Variants in ST8SIA1 observed in about 807,000 individuals in gnomAD.
ST8SIA1 encodes the protein ST8 alpha-N-acetyl-neuraminide alpha-2,8-sialyltransferase 1.
Under a neutral mutation model 35.9 loss-of-function variants are expected in ST8SIA1, and 16 were observed. The ratio of observed to expected loss-of-function variants is 0.45; its 90% CI spans 0.30 to 0.68. The LOEUF (loss-of-function observed/expected upper bound fraction) is 0.68, where lower values mean the gene tolerates loss of function less well. Ranked by LOEUF, ST8SIA1 falls within the 30% of genes least tolerant of loss-of-function variation. The pLI is 0.09. For synonymous variants in ST8SIA1, 170 were observed against 169.6 expected, an observed-to-expected ratio of 1.00 and a Z score of -0.02; for missense variants, 383 against 453.6, an observed-to-expected ratio of 0.84 and a Z score of 1.41.
intron 4 of ST8SIA1, among the ~76,000 whole-genome samples, chr12:22,235,771 G>A (rs906180301): frequency 6.6e-6 from 1 of 152,102 alleles, no homozygotes; most frequent in Non-Finnish European, 1.5e-5. Flanking sequence ...GCGTTTCCCA[G>A]GATTTGCATC....
In ST8SIA1 at chr12:22,201,996, G is replaced by A; in HGVS notation, c.627C>T (p.Asn209=). ...TGTAACTGTGGTTATAAATTTTCAT[G>A]TTGTCCACAAATGTCTTTCTGGACC... ...LLWSRKTFVD[N]MKIYNHSYIY... The change falls in exon 5 of 5, where the codon AAC becomes AAT. Residue 209 remains asparagine, a synonymous_variant. Coordinates refer to ENST00000396037, the MANE Select transcript of ST8SIA1 (RefSeq NM_003034.4). 1.2e-6 allele frequency: 2 copies of A among 1,612,590 alleles called. No individual in the cohort carries two copies. The highest frequency in any genetic ancestry group is 8.5e-7 in the Non-Finnish European group (1 of 1,179,546).
intron 1 of ST8SIA1, chr12:22,324,713 C>T (rs1182256580): frequency 1.3e-5 from 2 of 152,072 alleles, no homozygotes; most frequent in Non-Finnish European, 2.9e-5. Flanking sequence ...CAAGACAGTA[C>T]AGATCTTTAA....
At chr12:22,280,046 CT>C (rs1457804995) in intron 2 of ST8SIA1, among the ~76,000 whole-genome samples, 1 of 152,184 alleles carries the variant, frequency 6.6e-6, no homozygotes, top group African/African-American at 2.4e-5. Flanking sequence ...AGTCATACCT[CT>C]TGATTATTTG....
chr12:22,333,951 G>T, intron 1 of ST8SIA1, 46 bp downstream of exon 1: 1 of 1,557,460 alleles, frequency 6.4e-7, no homozygotes, highest in East Asian at 2.2e-5. Context: ...TCTGCACTCG[G>T]GGAGGAAAGG....
intron 4 of ST8SIA1, among the ~76,000 whole-genome samples, chr12:22,232,592 G>T (rs1865432239): frequency 6.6e-6 from 1 of 152,106 alleles, no homozygotes; most frequent in South Asian, 2.1e-4. Flanking sequence ...GGAGATAAAA[G>T]AATAGGTCTC....
intron 1 of ST8SIA1, among the ~76,000 whole-genome samples, chr12:22,323,443 GT>G (rs1247755023): frequency 1.3e-5 from 2 of 152,190 alleles, no homozygotes; most frequent in Non-Finnish European, 2.9e-5. Context: ...GGAAGACAGT[GT>G]GACAATTCCT....
At chr12:22,251,264 T>C (rs2120755876) in intron 3 of ST8SIA1, among the ~76,000 whole-genome samples, 1 of 152,344 alleles carries the variant, frequency 6.6e-6, no homozygotes, top group African/African-American at 2.4e-5. Flanking sequence ...TGTTTTGTCA[T>C]TATTAAACAA....
intron 2 of ST8SIA1, among the ~76,000 whole-genome samples, chr12:22,264,792 A>G (rs1865828649): frequency 6.6e-6 from 1 of 152,240 alleles, no homozygotes; most frequent in Admixed American, 6.5e-5. Context: ...ATATGAAAAC[A>G]AATTTCCAGA....
chr12:22,264,048 A>G (rs1265077360), intron 2 of ST8SIA1, among the ~76,000 whole-genome samples: 1 of 151,906 alleles, frequency 6.6e-6, no homozygotes, highest in Non-Finnish European at 1.5e-5. Flanking sequence ...ACCCTCACCC[A>G]CGTATCCTCC....
chr12:22,333,046 G>A (rs1866789422), intron 1 of ST8SIA1, among the ~76,000 whole-genome samples: 1 of 152,182 alleles, frequency 6.6e-6, no homozygotes, highest in East Asian at 1.9e-4. Context: ...GGAGAGGAAG[G>A]GGAAGCAGCT....
At position 22,210,242 on chromosome 12, in the gene ST8SIA1, AT is replaced by A. The variant is rs571853866; in HGVS notation, c.585-8205del. The stretch of plus-strand genomic sequence containing the variant: ...CATATCATAAAAGATAAAGATAGAA[AT>A]TTTCTATAGTTACATATACATATGT... On this transcript the variant is annotated intron_variant, in intron 4 of 4. Transcript: ENST00000396037. Among the ~76,000 whole-genome samples the A allele has an allele frequency of 4.6e-5, 7 of 152,284 alleles. No homozygotes were observed. In the South Asian group the frequency reaches 1.5e-3, roughly 32 times the overall value.
rs547094600 is a variant in ST8SIA1, at chr12:22,307,954, A to T, written c.237-20661T>A. On this transcript the variant is annotated intron_variant, in intron 1 of 4. Transcript: ENST00000396037. ...ATAAAAAATTACTGAAGGGCTACCAAGAAAAAAAAATTTATTTTGAGATGA... is the reference window on the plus strand; with the variant it reads ...ATAAAAAATTACTGAAGGGCTACCATGAAAAAAAAATTTATTTTGAGATGA... Among the ~76,000 whole-genome samples the T allele has an allele frequency of 2.0e-5, 3 of 152,290 alleles. No individual in the cohort carries two copies. The South Asian group carries it at 6.2e-4, about 32-fold the overall frequency.
intron 1 of ST8SIA1, among the ~76,000 whole-genome samples, chr12:22,321,566 G>A (rs1345868401): frequency 6.6e-6 from 1 of 152,206 alleles, no homozygotes; most frequent in African/African-American, 2.4e-5. Flanking sequence ...AATTTTCATT[G>A]TGCTTTAAAA....
At chr12:22,203,483 G>T (rs554977379) in intron 4 of ST8SIA1, among the ~76,000 whole-genome samples, 4 of 152,202 alleles carry the variant, frequency 2.6e-5, no homozygotes, top group Non-Finnish European at 5.9e-5. Context: ...GCCCAGAAAG[G>T]TATGTTTCTC....
intron 4 of ST8SIA1, among the ~76,000 whole-genome samples, chr12:22,207,176 C>T (rs1183306740): frequency 6.6e-6 from 1 of 152,146 alleles, no homozygotes; most frequent in African/African-American, 2.4e-5. Context: ...GAGATGGATT[C>T]GCGACTGCTG....
At chr12:22,232,735 A>G (rs1823105943) in intron 4 of ST8SIA1, among the ~76,000 whole-genome samples, 1 of 152,158 alleles carries the variant, frequency 6.6e-6, no homozygotes, top group Non-Finnish European at 1.5e-5. Context: ...GCTACTCAGG[A>G]GGCTGAGGCA....
At chr12:22,303,846 CCACACACACACACACACA>C (rs61596419) in intron 1 of ST8SIA1, among the ~76,000 whole-genome samples, 8 of 140,706 alleles carry the variant, frequency 5.7e-5, no homozygotes, top group African/African-American at 1.6e-4. Flanking sequence ...CACCACCCTG[CCACACACACACACACACA>C]CACACACACA....
chr12:22,329,504 G>C (rs7970824), intron 1 of ST8SIA1, among the ~76,000 whole-genome samples: 1 of 151,924 alleles, frequency 6.6e-6, no homozygotes. Flanking sequence ...ATATTTTCTT[G>C]AGCATCAAAA....
chr12:22,205,760 C>A (rs1254576938), intron 4 of ST8SIA1, among the ~76,000 whole-genome samples: 3 of 151,678 alleles, frequency 2.0e-5, no homozygotes, highest in African/African-American at 7.3e-5. Context: ...TAAATAAAAT[C>A]TATGTTACAA....
Sources: gnomAD v4.1 joint callset for allele counts (sites outside exome capture counted in the v4.1 genomes callset) on GRCh38, gnomAD v4.1.1 for gene constraint, MANE v1.5 for transcripts, NCBI Gene and HGNC (gene_info 2026-07-23, HGNC 2026-07-21) for gene names.